The following A1CF variants were observed in gnomAD, a reference collection of about 807,000 sequenced individuals.
The protein encoded by A1CF is APOBEC-1 stimulating protein.
In A1CF, 48 loss-of-function variants were observed where a neutral mutation model predicts 68.9. The ratio of observed to expected loss-of-function variants is 0.70; its 90% CI spans 0.55 to 0.89. The LOEUF (loss-of-function observed/expected upper bound fraction) is 0.89, where lower values mean the gene tolerates loss of function less well. Among genes scored for constraint, A1CF ranks in the 40% least tolerant of loss-of-function variants. The pLI is 0.00. For synonymous variants in A1CF, 272 were observed against 260.4 expected (o/e 1.04, Z -0.43); for missense variants, 653 against 718.9 (o/e 0.91, Z 1.05).
chr10:50,841,852 C>A lies in A1CF; in HGVS notation c.365+10G>T, dbSNP rs747638282. The A allele has an allele frequency of 6.2e-7, 1 of 1,611,746 alleles. No individual in the cohort carries two copies. Among genetic ancestry groups the A allele is most frequent in the Non-Finnish European group, 8.5e-7 (1 of 1,179,334 alleles). ...TGTTTCACTTTTAATCTAGAAGAGG[C>A]GGAGCTTACCTAATTTCATAATTAT... On this transcript the variant is annotated intron_variant, in intron 5 of 12. Coordinates refer to ENST00000373997, the MANE Select transcript of A1CF (RefSeq NM_014576.4).
chr10:50,839,777 C>T (rs1419527925), intron 5 of A1CF, among the ~76,000 whole-genome samples: 1 of 152,192 alleles, frequency 6.6e-6, no homozygotes, highest in Non-Finnish European at 1.5e-5. Flanking sequence ...GACAGAGTTT[C>T]GCTCTTCTTG....
At chr10:50,866,691 G>T (rs1039961762) in intron 1 of A1CF, among the ~76,000 whole-genome samples, 2 of 152,124 alleles carry the variant, frequency 1.3e-5, no homozygotes. Context: ...CATTTATCTT[G>T]TACCTAAAAG....
intron 1 of A1CF, among the ~76,000 whole-genome samples, chr10:50,871,333 G>T (rs1841258312): frequency 6.6e-6 from 1 of 151,686 alleles, no homozygotes; most frequent in Admixed American, 6.6e-5. Flanking sequence ...AACGAGAAAA[G>T]TTTAAAACCT....
chr10:50,884,917 G>C (rs1841936440), intron 1 of A1CF, among the ~76,000 whole-genome samples: 1 of 152,146 alleles, frequency 6.6e-6, no homozygotes, highest in South Asian at 2.1e-4. Flanking sequence ...CAGCACAGTT[G>C]CCCAAATTGT....
chr10:50,885,209 C>A (rs1841951417), intron 1 of A1CF, among the ~76,000 whole-genome samples: 1 of 152,110 alleles, frequency 6.6e-6, no homozygotes, highest in Admixed American at 6.6e-5. Context: ...AATACTATTT[C>A]TTTTGTTAAT....
intron 1 of A1CF, among the ~76,000 whole-genome samples, chr10:50,865,005 G>A (rs977458924): frequency 9.9e-5 from 15 of 152,044 alleles, no homozygotes; most frequent in African/African-American, 1.7e-4. Context: ...ATAAAATTAC[G>A]ATGGGGCCGG....
At chr10:50,879,287 A>G (rs1214961192) in intron 1 of A1CF, among the ~76,000 whole-genome samples, 2 of 152,188 alleles carry the variant, frequency 1.3e-5, no homozygotes, top group African/African-American at 4.8e-5. Context: ...GGAAAAGGGT[A>G]TGTCCTCCAG....
chr10:50,834,565 G>C (rs1013449139), intron 6 of A1CF, among the ~76,000 whole-genome samples: 1 of 152,178 alleles, frequency 6.6e-6, no homozygotes, highest in African/African-American at 2.4e-5. Context: ...TGAATAAAAG[G>C]TATTGAATAA....
intron 3 of A1CF, among the ~76,000 whole-genome samples, chr10:50,846,137 A>T (rs148011032): frequency 6.6e-6 from 1 of 152,302 alleles, no homozygotes; most frequent in East Asian, 1.9e-4. Context: ...TGCCAACATG[A>T]TGCCACAAGT....
chr10:50,850,908 T>G, intron 3 of A1CF: 1 of 1,348,190 alleles, frequency 7.4e-7, no homozygotes, highest in South Asian at 1.5e-5. Context: ...CCCATCTAAC[T>G]TTTTTGTTTA....
chr10:50,802,726 G>A lies in A1CF; in HGVS notation c.*4003C>T, dbSNP rs979421744. The A allele has an allele frequency of 1.3e-5, 2 of 152,104 alleles. No homozygotes were observed. The highest frequency in any genetic ancestry group is 2.9e-5 in the Non-Finnish European group (2 of 68,024). 9.4% of individuals were successfully genotyped at this position (152,104 alleles called of 1,614,324 possible). A position where few individuals can be genotyped will look rare whatever the true frequency, so the allele number is the denominator to read the frequency against. ...ATAATATACTTTATCAAACTTCATAGGTTAGAATGCAATGAAAATTTACCC... is the reference window on the plus strand; with the variant it reads ...ATAATATACTTTATCAAACTTCATAAGTTAGAATGCAATGAAAATTTACCC... On this transcript the variant is annotated 3_prime_UTR_variant, in exon 13 of 13. Transcript: ENST00000373997.
intron 3 of A1CF, among the ~76,000 whole-genome samples, chr10:50,857,656 T>A (rs927781250): frequency 2.0e-5 from 3 of 152,266 alleles, no homozygotes; most frequent in East Asian, 3.9e-4. Flanking sequence ...CCTGCCTTTG[T>A]GTTTGGGGAA....
Position 50,859,947 on chromosome 10 carries a change from T to G in A1CF, c.-7A>C. 2 of 1,612,676 alleles carry G rather than the reference T, an allele frequency of 1.2e-6. No individual in the cohort carries two copies. Among genetic ancestry groups the G allele is most frequent in the Non-Finnish European group, 1.7e-6 (2 of 1,179,066 alleles). The stretch of plus-strand genomic sequence containing the variant: ...ATTTGTGATTTGATTCCATTGAGAG[T>G]GATTATCAGCAAAAAATCAGGTTAA... On this transcript the variant is annotated 5_prime_UTR_variant, in exon 3 of 13. Coordinates refer to ENST00000373997, the MANE Select transcript of A1CF (RefSeq NM_014576.4).
At chr10:50,824,012 C>T (rs534450046) in intron 7 of A1CF, 1 of 152,156 alleles carries the variant, frequency 6.6e-6, no homozygotes, top group African/African-American at 2.4e-5. Context: ...TGACTTTTCC[C>T]TCTTAATGCA....
At chr10:50,847,251 C>T (rs1026311427) in intron 3 of A1CF, among the ~76,000 whole-genome samples, 3 of 152,176 alleles carry the variant, frequency 2.0e-5, no homozygotes, top group Non-Finnish European at 2.9e-5. Context: ...TTTCCAAAGA[C>T]TTACAAACCG....
chr10:50,883,102 A>C (rs1010735619), intron 1 of A1CF, among the ~76,000 whole-genome samples: 1 of 152,180 alleles, frequency 6.6e-6, no homozygotes, highest in Non-Finnish European at 1.5e-5. Context: ...GATTAATCAA[A>C]ATTTTTTATG....
chr10:50,867,012 G>T (rs1456809712), intron 1 of A1CF, among the ~76,000 whole-genome samples: 2 of 150,548 alleles, frequency 1.3e-5, no homozygotes, highest in African/African-American at 4.9e-5. Context: ...AACATGCCTG[G>T]CCTGTTTTTT....
intron 7 of A1CF, among the ~76,000 whole-genome samples, chr10:50,826,988 C>T (rs1838974363): frequency 6.6e-6 from 1 of 152,072 alleles, no homozygotes; most frequent in Admixed American, 6.6e-5. Flanking sequence ...CAATCCTAGT[C>T]TCTGATAAAA....
At chr10:50,842,377 A>C (rs1839821254) in intron 4 of A1CF, among the ~76,000 whole-genome samples, 1 of 152,226 alleles carries the variant, frequency 6.6e-6, no homozygotes, top group South Asian at 2.1e-4. Flanking sequence ...TTGGGAGGCC[A>C]AGGCAGGTGG....
Sources: gnomAD v4.1 joint callset for allele counts (sites outside exome capture counted in the v4.1 genomes callset) on GRCh38, gnomAD v4.1.1 for gene constraint, MANE v1.5 for transcripts, NCBI Gene and HGNC (gene_info 2026-07-23, HGNC 2026-07-21) for gene names.